The following CCSER1 variants were observed in gnomAD, a reference collection of about 807,000 sequenced individuals.
The protein encoded by CCSER1 is coiled-coil serine rich protein 1, also known as serine-rich coiled-coil domain-containing protein 1.
Under a neutral mutation model 82.0 loss-of-function variants are expected in CCSER1, and 41 were observed. The observed-to-expected ratio is 0.50, with a 90% CI of 0.39 to 0.65. CCSER1 has a LOEUF of 0.65. CCSER1 is among the 30% of genes least tolerant of loss of function. The pLI is 0.00. For synonymous variants in CCSER1, 414 were observed against 383.9 expected, an observed-to-expected ratio of 1.08 and a Z score of -0.92; for missense variants, 1,119 against 1,064.2, an observed-to-expected ratio of 1.05 and a Z score of -0.72.
chr4:91,467,306 A>C (rs1756973486), intron 10 of CCSER1, among the ~76,000 whole-genome samples: 1 of 152,240 alleles, frequency 6.6e-6, no homozygotes, highest in Non-Finnish European at 1.5e-5. Context: ...ATGTGTAGAA[A>C]GCTGAAACTG....
At chr4:90,723,624 T>G (rs1743083614) in intron 6 of CCSER1, among the ~76,000 whole-genome samples, 1 of 151,800 alleles carries the variant, frequency 6.6e-6, no homozygotes, top group Non-Finnish European at 1.5e-5. Flanking sequence ...AATTAAGCAA[T>G]GATGATAATA....
intron 10 of CCSER1, among the ~76,000 whole-genome samples, chr4:91,443,911 A>T (rs1047629026): frequency 6.6e-6 from 1 of 151,926 alleles, no homozygotes; most frequent in African/African-American, 2.4e-5. Context: ...TCCTAAAATT[A>T]GTAAGAATAA....
chr4:90,353,075 G>A (rs1178324335), intron 3 of CCSER1, among the ~76,000 whole-genome samples: 1 of 152,196 alleles, frequency 6.6e-6, no homozygotes, highest in Admixed American at 6.5e-5. Context: ...CATCACGAAT[G>A]TAGGAGTCAG....
intron 5 of CCSER1, among the ~76,000 whole-genome samples, chr4:90,471,256 C>G (rs1764353997): frequency 6.6e-6 from 1 of 151,906 alleles, no homozygotes; most frequent in Admixed American, 6.6e-5. Flanking sequence ...TGGGCAGATT[C>G]TTTCCCCCCA....
chr4:90,972,416 C>T (rs1735197763), intron 9 of CCSER1, among the ~76,000 whole-genome samples: 1 of 151,280 alleles, frequency 6.6e-6, no homozygotes, highest in South Asian at 2.1e-4. Flanking sequence ...GACAGCAACA[C>T]CATTTAAAAT....
intron 9 of CCSER1, among the ~76,000 whole-genome samples, chr4:90,974,423 C>G (rs2150406383): frequency 6.8e-6 from 1 of 147,710 alleles, no homozygotes; most frequent in Non-Finnish European, 1.5e-5. Flanking sequence ...TTTTCAATTA[C>G]AACTCAATAA....
chr4:90,950,661 C>T (rs985656153), intron 9 of CCSER1, among the ~76,000 whole-genome samples: 3 of 152,028 alleles, frequency 2.0e-5, no homozygotes, highest in Admixed American at 1.3e-4. Context: ...CAGTGATAAC[C>T]TTTTTAACAA....
chr4:90,762,835 A>G (rs1750611081), intron 7 of CCSER1, among the ~76,000 whole-genome samples: 1 of 152,102 alleles, frequency 6.6e-6, no homozygotes, highest in African/African-American at 2.4e-5. Context: ...GACCAAATTA[A>G]ATATCTTGAG....
chr4:90,188,686 G>T (rs1413770081), intron 1 of CCSER1, among the ~76,000 whole-genome samples: 1 of 151,914 alleles, frequency 6.6e-6, no homozygotes, highest in Non-Finnish European at 1.5e-5. Flanking sequence ...ATGTGACTTA[G>T]CAGGCGCATC....
At chr4:91,357,011 G>T in intron 10 of CCSER1, among the ~76,000 whole-genome samples, 1 of 152,076 alleles carries the variant, frequency 6.6e-6, no homozygotes, top group Admixed American at 6.5e-5. Context: ...CATAACAGTT[G>T]CTTTGTTTAA....
In CCSER1 at chr4:90,139,434, T is replaced by C. The variant is rs113828805; in HGVS notation, c.-42+11603T>C. Among the ~76,000 whole-genome samples the C allele has an allele frequency of 6.3e-3, 962 of 152,366 alleles. 7 individuals carry two copies. Among genetic ancestry groups the C allele is most frequent in the Non-Finnish European group, 0.011 (724 of 68,028 alleles). ...GGAGTGTATTTTCACTTTATAGTTC[T>C]AGCTTTCATGTTTTTGAAGTATATA... is the stretch of plus-strand genomic sequence containing the variant. On this transcript the variant is annotated intron_variant, in intron 1 of 10. Transcript: ENST00000509176.
At chr4:91,030,633 C>A (rs531076447) in intron 9 of CCSER1, among the ~76,000 whole-genome samples, 1 of 152,000 alleles carries the variant, frequency 6.6e-6, no homozygotes, top group Non-Finnish European at 1.5e-5. Context: ...TAAACTAAAA[C>A]TAAGAAGAAT....
At chr4:90,728,303 C>A (rs1374038461) in intron 7 of CCSER1, among the ~76,000 whole-genome samples, 1 of 152,122 alleles carries the variant, frequency 6.6e-6, no homozygotes, top group South Asian at 2.1e-4. Context: ...TCTCTTTAGT[C>A]TAAAGAAACT....
At chr4:90,249,280 A>G (rs997993981) in intron 1 of CCSER1, among the ~76,000 whole-genome samples, 7 of 152,178 alleles carry the variant, frequency 4.6e-5, no homozygotes, top group African/African-American at 1.4e-4. Context: ...AATTTTGTCA[A>G]TGCAAAGCTT....
intron 10 of CCSER1, among the ~76,000 whole-genome samples, chr4:91,148,830 C>A (rs1409846611): frequency 1.3e-5 from 2 of 152,154 alleles, no homozygotes; most frequent in South Asian, 2.1e-4. Flanking sequence ...TTTTTTATGG[C>A]TGCATAGTAT....
rs1427459751 is a variant in CCSER1, at chr4:91,601,675, A to G, written c.*2618A>G. The G allele has an allele frequency of 2.0e-5, 3 of 152,174 alleles. No individual in the cohort carries two copies. In the East Asian group the frequency reaches 5.8e-4, roughly 29 times the overall value. 9.4% of individuals were successfully genotyped at this position (152,174 alleles called of 1,614,324 possible). A position where few individuals can be genotyped will look rare whatever the true frequency, so the allele number is the denominator to read the frequency against. Reference sequence around the variant, plus strand: ...TCCAAAGACATGACACCAGGGGGAAAAAGTGCTTGTTTTTCTGATGGAAGC... The same window carrying G: ...TCCAAAGACATGACACCAGGGGGAAGAAGTGCTTGTTTTTCTGATGGAAGC... On this transcript the variant is annotated 3_prime_UTR_variant, in exon 11 of 11. Coordinates refer to ENST00000509176, the MANE Select transcript of CCSER1 (RefSeq NM_001145065.2).
At chr4:90,148,020 C>G (rs1726135931) in intron 1 of CCSER1, among the ~76,000 whole-genome samples, 1 of 152,102 alleles carries the variant, frequency 6.6e-6, no homozygotes, top group Non-Finnish European at 1.5e-5. Flanking sequence ...CAAAAATTAG[C>G]TGGGCATGGT....
At chr4:91,398,703 T>G (rs1752141530) in intron 10 of CCSER1, among the ~76,000 whole-genome samples, 1 of 151,848 alleles carries the variant, frequency 6.6e-6, no homozygotes, top group African/African-American at 2.4e-5. Flanking sequence ...AACGAAGTTC[T>G]GGTCTCTAAA....
At chr4:90,365,588 A>G (rs1746147673) in intron 3 of CCSER1, among the ~76,000 whole-genome samples, 1 of 151,816 alleles carries the variant, frequency 6.6e-6, no homozygotes, top group African/African-American at 2.4e-5. Context: ...TTTGATGCTC[A>G]AAATTAATAG....
Sources: allele counts gnomAD v4.1 joint callset (sites outside exome capture counted in the v4.1 genomes callset), GRCh38; gene constraint gnomAD v4.1.1; transcripts MANE v1.5; gene names NCBI Gene and HGNC (gene_info 2026-07-23, HGNC 2026-07-21).